Variants in ZNF182 observed in about 807,000 individuals in gnomAD.
ZNF182 encodes the protein zinc finger protein 182.
ZNF182 carries 10 observed loss-of-function variants against 28.1 expected under a neutral mutation model. The observed-to-expected ratio is 0.36, with a 90% CI of 0.22 to 0.60. The LOEUF (loss-of-function observed/expected upper bound fraction) is 0.60. Ranked by LOEUF, ZNF182 falls within the 20% of genes least tolerant of loss-of-function variation. ZNF182 has a pLI of 0.75. For synonymous variants in ZNF182, 156 were observed against 158.7 expected, an observed-to-expected ratio of 0.98 and a Z score of 0.13; for missense variants, 352 against 453.2, an observed-to-expected ratio of 0.78 and a Z score of 2.03.
At chrX:48,002,746 C>T in intron 2 of ZNF182, 93 bp from the exon 3 acceptor site, 1 of 750,867 alleles carries the variant, frequency 1.3e-6, no homozygotes, top group Non-Finnish European at 2.0e-6. Context: ...CTCACATCAG[C>T]TGGCCATCAG....
chrX:47,997,171 T>C (rs1367663634), intron 3 of ZNF182, among the ~76,000 whole-genome samples: 2 of 105,881 alleles, frequency 1.9e-5, no homozygotes, highest in African/African-American at 3.5e-5. Flanking sequence ...TACAAAAAAT[T>C]AGCCAGTCGT....
At position 47,976,683 on chromosome X, in the gene ZNF182, A is replaced by G; in HGVS notation, c.1347T>C (p.Ser449=). The G allele has an allele frequency of 1.7e-6, 2 of 1,208,667 alleles. No individual in the cohort carries two copies. Among genetic ancestry groups the G allele is most frequent in the South Asian group, 3.5e-5 (2 of 56,349 alleles). The change falls in exon 6 of 6, where the codon TCT becomes TCC. Residue 449 remains serine (S), a synonymous_variant. Coordinates refer to ENST00000376943, the MANE Select transcript of ZNF182 (RefSeq NM_001007088.2). ...GATGCAGCATGAGGTAGGACTTCTG[A>G]GAGAAGGCTTTCTCACATTCATTAC... ...FECNECEKAF[S]QKSYLMLHQR...
rs782624997 is a variant in ZNF182 at position 47,977,291 on chromosome X, C to T, written c.739G>A (p.Glu247Lys). Residue 247 changes from glutamate (E) to lysine (K), a missense_variant, in exon 6 of 6, where the codon GAA (glutamate) becomes AAA (lysine). By Grantham distance (56) the Glu-to-Lys change is moderately conservative (BLOSUM62 1). Coordinates refer to ENST00000376943, the MANE Select transcript of ZNF182 (RefSeq NM_001007088.2). The stretch of plus-strand genomic sequence containing the variant: ...TTTTGGCTAAAAGCTTTTCCACATT[C>T]GGTACATCCAAAAGGTTTCTCTCCC... ...HTGEKPFGCT[E>K]CGKAFSQKSQ... The T allele has an allele frequency of 7.4e-6, 9 of 1,209,483 alleles. No individual in the cohort carries two copies. Among genetic ancestry groups the T allele is most frequent in the Middle Eastern group, 2.3e-4 (1 of 4,368 alleles).
rs181686079 is a variant in ZNF182 at position 47,997,711 on chromosome X, G to T, written c.15+4884C>A. On this transcript the variant is annotated intron_variant, in intron 3 of 5. Transcript: ENST00000376943. The stretch of plus-strand genomic sequence containing the variant: ...GGAGGCTGAGGCAGGAGAATCACCT[G>T]AAACCGGGAGGGGGAGGTTGCTGTG... Among the ~76,000 whole-genome samples, 202 of 110,908 alleles carry T rather than the reference G, an allele frequency of 1.8e-3. 4 individuals are homozygous for T. The highest frequency in any genetic ancestry group is 0.017 in the Admixed American group (182 of 10,460).
intron 3 of ZNF182, among the ~76,000 whole-genome samples, chrX:47,998,752 G>A (rs1344404095): frequency 5.5e-5 from 6 of 109,351 alleles, no homozygotes; most frequent in African/African-American, 1.3e-4. Flanking sequence ...CCAATTACTC[G>A]GGAGGCTGAG....
chrX:47,986,305 T>G (rs1569409551), intron 3 of ZNF182, among the ~76,000 whole-genome samples: 1 of 112,909 alleles, frequency 8.9e-6, no homozygotes, highest in Admixed American at 9.3e-5. Flanking sequence ...CTCCTTATTT[T>G]GTTAAAAATA....
intron 4 of ZNF182, 27 bp from the exon 5 acceptor site, chrX:47,983,065 C>T (rs2058911811): frequency 8.4e-7 from 1 of 1,196,708 alleles, no homozygotes; most frequent in African/African-American, 1.7e-5. Flanking sequence ...ACAGTGATAC[C>T]TCCTTGGCTT....
intron 5 of ZNF182, among the ~76,000 whole-genome samples, chrX:47,979,906 T>TG (rs2058899214): frequency 3.9e-5 from 4 of 102,806 alleles, no homozygotes; most frequent in East Asian, 3.0e-4. Context: ...TGTGTGTGTG[T>TG]TATGGTATAA....
rs782535951 is a variant in ZNF182, at chrX:47,977,134, T to G, written c.896A>C (p.Tyr299Ser). The change falls in exon 6 of 6, where the codon TAT becomes TCT. Residue 299 changes from tyrosine to serine, a missense_variant. Tyr to Ser is a moderately radical substitution (Grantham distance 144). Transcript: ENST00000376943. Reference protein sequence around the residue: ...HYRTHTGEKPYECNECGKAFT... With the variant: ...HYRTHTGEKPSECNECGKAFT... ...GGCTTTTCCACATTCATTACATTCATAAGGTTTTTCTCCTGTGTGAGTCCT... is the reference window on the plus strand; with the variant it reads ...GGCTTTTCCACATTCATTACATTCAGAAGGTTTTTCTCCTGTGTGAGTCCT... 8.3e-7 allele frequency: 1 copy of G among 1,210,246 alleles called. No homozygotes were observed. The highest frequency in any genetic ancestry group is 1.7e-5 in the African/African-American group (1 of 57,738).
At chrX:47,994,779 C>T (rs1556900857) in intron 3 of ZNF182, among the ~76,000 whole-genome samples, 2 of 110,585 alleles carry the variant, frequency 1.8e-5, no homozygotes, top group Non-Finnish European at 3.8e-5. Context: ...GCTGAGATTA[C>T]AGGCACCTGC....
At chrX:47,983,516 A>G in intron 3 of ZNF182, 105 bp from the exon 4 acceptor site, 4 of 881,132 alleles carry the variant, frequency 4.5e-6, no homozygotes, top group Non-Finnish European at 4.7e-6. Flanking sequence ...TGATGACTCA[A>G]TATTGGATGC....
chrX:47,994,835 C>T (rs1236867118), intron 3 of ZNF182, among the ~76,000 whole-genome samples: 6 of 109,855 alleles, frequency 5.5e-5, no homozygotes, highest in Admixed American at 4.8e-4. Flanking sequence ...GACAGGGTTT[C>T]GCCATGTTGG....
At chrX:47,981,034 T>C (rs2058903754) in intron 5 of ZNF182, among the ~76,000 whole-genome samples, 1 of 112,105 alleles carries the variant, frequency 8.9e-6, no homozygotes, top group Non-Finnish European at 1.9e-5. Context: ...GTAAGATTCA[T>C]AAATTAAAAA....
chrX:47,979,061 A>T (rs189000538), intron 5 of ZNF182, among the ~76,000 whole-genome samples: 1 of 112,256 alleles, frequency 8.9e-6, no homozygotes, highest in Non-Finnish European at 1.9e-5. Flanking sequence ...TGAATTTTAA[A>T]TCTTTTTTTA....
At chrX:47,990,645 T>C (rs2058938463) in intron 3 of ZNF182, among the ~76,000 whole-genome samples, 1 of 111,862 alleles carries the variant, frequency 8.9e-6, no homozygotes, top group Admixed American at 9.5e-5. Flanking sequence ...ATGTGTAAAT[T>C]TGGTCAACCT....
At chrX:47,986,786 A>C (rs1214901270) in intron 3 of ZNF182, among the ~76,000 whole-genome samples, 1 of 111,767 alleles carries the variant, frequency 8.9e-6, no homozygotes, top group Non-Finnish European at 1.9e-5. Flanking sequence ...CGGGCAGAAG[A>C]AGGTAGGAGG....
At position 47,976,663 on chromosome X, in the gene ZNF182, A is replaced by G. The variant is rs782602185; in HGVS notation, c.1367T>C (p.Leu456Pro). The G allele has an allele frequency of 8.3e-7, 1 of 1,207,942 alleles. No homozygotes were observed. Among genetic ancestry groups the G allele is most frequent in the Non-Finnish European group, 1.1e-6 (1 of 893,651 alleles). Residue 456 changes from leucine (L) to proline (P), a missense_variant, in exon 6 of 6, where the codon CTG becomes CCG. Physicochemically the swap from Leu to Pro is moderately conservative, Grantham distance 98. Coordinates refer to ENST00000376943, the MANE Select transcript of ZNF182 (RefSeq NM_001007088.2). Reference sequence around the variant, plus strand: ...CTCTCCTGTATGACCTCTCTGATGCAGCATGAGGTAGGACTTCTGAGAGAA... The same window carrying G: ...CTCTCCTGTATGACCTCTCTGATGCGGCATGAGGTAGGACTTCTGAGAGAA... ...KAFSQKSYLM[L>P]HQRGHTGEKP... is the part of the protein sequence containing the mutation.
intron 2 of ZNF182, among the ~76,000 whole-genome samples, 177 bp from the exon 3 acceptor site, chrX:48,002,830 T>C (rs1038679193): frequency 8.9e-6 from 1 of 112,453 alleles, no homozygotes; most frequent in Non-Finnish European, 1.9e-5. Context: ...CATGTGAACA[T>C]TGAACACAAA....
At chrX:48,002,498 A>C (rs1556902012) in intron 3 of ZNF182, 97 bp downstream of exon 3, 1 of 1,127,651 alleles carries the variant, frequency 8.9e-7, no homozygotes, top group Non-Finnish European at 1.2e-6. Context: ...TCCAATCCTT[A>C]TTTACAAATA....
Sources: allele counts gnomAD v4.1 joint callset (sites outside exome capture counted in the v4.1 genomes callset), GRCh38; gene constraint gnomAD v4.1.1; transcripts MANE v1.5; gene names NCBI Gene and HGNC (gene_info 2026-07-23, HGNC 2026-07-21).